MYO15B: variants seen among roughly 807,000 people sequenced by gnomAD.
The protein encoded by MYO15B is myosin XVB pseudogene.
In MYO15B, 207 loss-of-function variants were observed where a neutral mutation model predicts 119.3. That is an observed-to-expected ratio of 1.73 (90% CI 1.55 to 1.95). The LOEUF is 1.95. MYO15B is among the 30% of genes most tolerant of loss of function. The pLI is 0.00. For missense variants in MYO15B, 2,264 were observed against 1,203.1 expected (o/e 1.88, Z -13.04); for synonymous variants, 966 against 498.9 (o/e 1.94, Z -12.48).
At chr17:75,596,360 G>C in intron 12 of MYO15B, 100 bp from the exon 13 acceptor site, 1 of 666,606 alleles carries the variant, frequency 1.5e-6, no homozygotes, top group Non-Finnish European at 2.7e-6. Flanking sequence ...ATCAGCCCTG[G>C]GTATTACTCA....
At chr17:75,588,840 C>G (rs867738252) in exon 1 of MYO15B, 93 of 398,460 alleles carry the variant, frequency 2.3e-4, no homozygotes, top group African/African-American at 1.7e-3. Flanking sequence ...CCTCCAGGAC[C>G]TTCGAGGACA....
At chr17:75,596,197 A>G (rs2056846789) in intron 12 of MYO15B, among the ~76,000 whole-genome samples, 1 of 152,170 alleles carries the variant, frequency 6.6e-6, no homozygotes, top group Non-Finnish European at 1.5e-5. Context: ...TCCAAGCCAC[A>G]GGATGGCCGT....
exon 1 of MYO15B, chr17:75,588,590 G>A (rs1269735072): frequency 5.0e-6 from 2 of 399,314 alleles, no homozygotes; most frequent in East Asian, 3.6e-5. Flanking sequence ...GGCACAGCCC[G>A]GGAGCTGCGG....
At chr17:75,590,787 TC>T in intron 2 of MYO15B, 98 bp downstream of exon 2, 1 of 191,584 alleles carries the variant, frequency 5.2e-6, no homozygotes, top group Admixed American at 5.9e-5. Context: ...TTCCTCTTCC[TC>T]CCCGGGCTAG....
At position 75,624,011 on chromosome 17, in the gene MYO15B, C is replaced by A. The variant is rs751550489; in HGVS notation, c.8219C>A (p.Thr2740Asn). 3.1e-4 allele frequency: 215 copies of A among 703,034 alleles called. No homozygotes were observed. The Middle Eastern group carries it at 8.7e-3, about 28-fold the overall frequency. The allele number at this position is 703,034 out of a possible 1,614,324, so 43.5% of individuals were successfully genotyped here. The change falls in exon 55 of 64, where the codon ACC becomes AAC. Residue 2740 changes from threonine to asparagine, a missense_variant. Physicochemically the swap from Thr to Asn is moderately conservative, Grantham distance 65 (BLOSUM62 0). Transcript: ENST00000645453. Reference sequence around the variant, plus strand: ...CTCACAGGCTTCTTCCCCCCGTCGACCAGGCTGATGCCCTACCTGACCAAG... The same window carrying A: ...CTCACAGGCTTCTTCCCCCCGTCGAACAGGCTGATGCCCTACCTGACCAAG...
chr17:75,605,369 G>A (rs1400113643), intron 19 of MYO15B, 135 bp from the exon 20 acceptor site: 8 of 594,758 alleles, frequency 1.3e-5, no homozygotes, highest in East Asian at 2.8e-5. Flanking sequence ...CCCGGGAGGC[G>A]GAGCTTGCAG....
At chr17:75,615,648 T>C (rs776527949) in intron 35 of MYO15B, 45 bp from the exon 36 acceptor site, 14 of 672,280 alleles carry the variant, frequency 2.1e-5, no homozygotes, top group Non-Finnish European at 3.8e-5. Flanking sequence ...GAGAGGTCTG[T>C]GGCTCGGGGA....
At chr17:75,619,246 G>C (rs369909978) in intron 44 of MYO15B, 28 bp downstream of exon 44, 7 of 702,792 alleles carry the variant, frequency 1.0e-5, no homozygotes, top group Non-Finnish European at 5.2e-6. Flanking sequence ...ATGGAGTTGG[G>C]AGCTTGAGTG....
chr17:75,615,174 C>T (rs2058290227), intron 33 of MYO15B, 66 bp from the exon 34 acceptor site: 3 of 684,158 alleles, frequency 4.4e-6, no homozygotes, highest in African/African-American at 3.5e-5. Flanking sequence ...TTCTCTGTGC[C>T]TGGGGCTGGA....
exon 55 of MYO15B, chr17:75,623,981 G>C (rs1215363754): frequency 1.4e-6 from 1 of 703,036 alleles, no homozygotes; most frequent in East Asian, 2.7e-5. Context: ...AGCTTCCTCA[G>C]CCTTCTCACA....
intron 14 of MYO15B, among the ~76,000 whole-genome samples, chr17:75,597,771 C>T (rs1051431211): frequency 6.6e-6 from 1 of 152,060 alleles, no homozygotes; most frequent in East Asian, 1.9e-4. Flanking sequence ...CAACAATTAG[C>T]CTGGTGTGGT....
chr17:75,592,586 A>G, intron 8 of MYO15B, 45 bp downstream of exon 8: 1 of 623,630 alleles, frequency 1.6e-6, no homozygotes, highest in East Asian at 2.7e-5. Context: ...TGCCCAGAGG[A>G]GGATCTCGGC....
intron 1 of MYO15B, 147 bp from the exon 2 acceptor site, chr17:75,590,479 G>A (rs4789219): frequency 2.8e-5 from 11 of 391,540 alleles, no homozygotes; most frequent in African/African-American, 2.1e-4. Context: ...TGTAGCCTGC[G>A]CATTACTTGA....
intron 16 of MYO15B, 69 bp downstream of exon 16, chr17:75,602,663 T>C (rs1283436260): frequency 1.6e-6 from 1 of 612,950 alleles, no homozygotes; most frequent in African/African-American, 1.8e-5. Context: ...CTTTTCCCCC[T>C]GGGCGCTCTT....
chr17:75,619,215 C>T (rs2058556837), exon 44 of MYO15B: 2 of 702,662 alleles, frequency 2.8e-6, no homozygotes, highest in Non-Finnish European at 5.2e-6. Flanking sequence ...GAAAGACCTG[C>T]TGGGTATGGG....
In MYO15B at chr17:75,591,772, G is replaced by A. The variant is rs1038498360; in HGVS notation, c.2547+60G>A. 21 of 702,026 alleles carry A rather than the reference G, an allele frequency of 3.0e-5. No homozygotes were observed. In the African/African-American group the frequency reaches 3.5e-4, roughly 12 times the overall value. 43.5% of individuals were successfully genotyped at this position (702,026 alleles called of 1,614,324 possible). A position where few individuals can be genotyped will look rare whatever the true frequency, so the allele number is the denominator to read the frequency against. ...GCTGGCCGTCTGTCTTCCTCCAGGG[G>A]ACAGCTGACCATGTCCAAGGGACTA... On this transcript the variant is annotated intron_variant, in intron 5 of 63. Coordinates refer to ENST00000645453, the Ensembl canonical transcript of MYO15B.
chr17:75,588,160 A>T, exon 1 of MYO15B: 1 of 398,038 alleles, frequency 2.5e-6, no homozygotes, highest in Non-Finnish European at 4.4e-6. Context: ...TGGCGCGCCC[A>T]GCCGGGAACG....
intron 34 of MYO15B, 43 bp from the exon 35 acceptor site, chr17:75,615,460 T>A (rs531546601): frequency 3.0e-6 from 2 of 674,514 alleles, no homozygotes; most frequent in African/African-American, 3.5e-5. Flanking sequence ...GCTTCAAGGC[T>A]GGCCATGGTG....
At chr17:75,619,839 G>A (rs1243909483) in intron 46 of MYO15B, 40 bp downstream of exon 46, 10 of 702,096 alleles carry the variant, frequency 1.4e-5, no homozygotes, top group Non-Finnish European at 2.3e-5. Context: ...GTGGGGGCAG[G>A]TGGCAAGGTG....
Sources: allele counts gnomAD v4.1 joint callset (sites outside exome capture counted in the v4.1 genomes callset), GRCh38; gene constraint gnomAD v4.1.1; transcripts MANE v1.5; gene names NCBI Gene and HGNC (gene_info 2026-07-23, HGNC 2026-07-21).